Variants in COL19A1 observed in about 807,000 individuals in gnomAD.
The protein encoded by COL19A1 is collagen type XIX alpha 1 chain, also known as collagen alpha-1(XIX) chain.
In COL19A1, 159 loss-of-function variants were observed where a neutral mutation model predicts 190.2. The ratio of observed to expected loss-of-function variants is 0.84; its 90% CI spans 0.73 to 0.95. The LOEUF is 0.95. Ranked by LOEUF, COL19A1 falls within the 40% of genes least tolerant of loss-of-function variation. The pLI is 0.00. For missense variants in COL19A1, 1,418 were observed against 1,431.9 expected (o/e 0.99, Z 0.16); for synonymous variants, 509 against 458.9 (o/e 1.11, Z -1.39).
chr6:70,144,383 A>G, intron 24 of COL19A1, 120 bp downstream of exon 24: 1 of 806,684 alleles, frequency 1.2e-6, no homozygotes, highest in South Asian at 1.8e-5. Context: ...GTGCACATTA[A>G]CTACAATGTA....
At chr6:70,156,494 GGAGAGAGAGAGA>G in intron 33 of COL19A1, 125 bp downstream of exon 33, 1 of 657,794 alleles carries the variant, frequency 1.5e-6, no homozygotes, top group African/African-American at 2.0e-5. Flanking sequence ...GTATGTATAT[GGAGAGAGAGAGA>G]GAGAGAGAAA....
intron 11 of COL19A1, among the ~76,000 whole-genome samples, chr6:70,004,888 A>G (rs762811989): frequency 5.3e-5 from 8 of 149,988 alleles, no homozygotes; most frequent in Non-Finnish European, 1.2e-4. Flanking sequence ...GCTGGAGTGC[A>G]GTGGCTCGAT....
At chr6:69,939,844 C>T (rs1037911310) in intron 9 of COL19A1, among the ~76,000 whole-genome samples, 9 of 152,204 alleles carry the variant, frequency 5.9e-5, no homozygotes, top group South Asian at 4.1e-4. Flanking sequence ...TTATCTGCAA[C>T]GGAAGGTGTT....
intron 10 of COL19A1, among the ~76,000 whole-genome samples, 164 bp from the exon 11 acceptor site, chr6:69,962,662 T>A (rs1774872503): frequency 6.6e-6 from 1 of 152,180 alleles, no homozygotes; most frequent in African/African-American, 2.4e-5. Context: ...TATTTAGAAA[T>A]ATTTAAATCT....
intron 12 of COL19A1, among the ~76,000 whole-genome samples, chr6:70,031,160 G>C (rs189216747): frequency 6.6e-6 from 1 of 152,010 alleles, no homozygotes; most frequent in African/African-American, 2.4e-5. Flanking sequence ...GTGTGCTCAT[G>C]ACACTCCTTT....
At chr6:70,108,024 A>T (rs1784074062) in intron 16 of COL19A1, among the ~76,000 whole-genome samples, 1 of 152,172 alleles carries the variant, frequency 6.6e-6, no homozygotes, top group African/African-American at 2.4e-5. Flanking sequence ...AAGTCTCAAG[A>T]CTTGGAATGC....
intron 9 of COL19A1, among the ~76,000 whole-genome samples, chr6:69,952,217 A>T (rs1292962830): frequency 1.3e-5 from 2 of 151,912 alleles, no homozygotes; most frequent in Non-Finnish European, 2.9e-5. Context: ...TACCTTCCAA[A>T]ATAAGTATCA....
chr6:70,195,609 C>A (rs1027205434), intron 48 of COL19A1, among the ~76,000 whole-genome samples: 6 of 152,090 alleles, frequency 3.9e-5, no homozygotes, highest in African/African-American at 1.4e-4. Context: ...CAGTCTTTTG[C>A]TAGGGATGGG....
intron 2 of COL19A1, among the ~76,000 whole-genome samples, chr6:69,896,047 C>T (rs1288267655): frequency 6.6e-6 from 1 of 152,162 alleles, no homozygotes; most frequent in Non-Finnish European, 1.5e-5. Context: ...TACTGCCAAA[C>T]AGTTTTCTAA....
At chr6:69,921,511 T>TATATATTCATATATTC (rs1561998779) in intron 4 of COL19A1, among the ~76,000 whole-genome samples, 31 of 100,380 alleles carry the variant, frequency 3.1e-4, no homozygotes, top group African/African-American at 7.0e-4. Flanking sequence ...TATATATTCA[T>TATATATTCATATATTC]ATGTATATTC....
intron 14 of COL19A1, among the ~76,000 whole-genome samples, chr6:70,059,090 C>T (rs1396763446): frequency 1.3e-5 from 2 of 151,946 alleles, no homozygotes; most frequent in African/African-American, 2.4e-5. Context: ...CTATTTGAAA[C>T]ACAGAAAATC....
In COL19A1 at chr6:70,208,840, G is replaced by A. The variant is rs1296140024; in HGVS notation, c.*1566G>A. ...AGGAATGTGCCTAATTTAAGGCAGGGTTTGTTCCAATGCATCCGTGATTTG... is the reference window on the plus strand; with the variant it reads ...AGGAATGTGCCTAATTTAAGGCAGGATTTGTTCCAATGCATCCGTGATTTG... On this transcript the variant is annotated 3_prime_UTR_variant, in exon 51 of 51. Coordinates refer to ENST00000620364, the MANE Select transcript of COL19A1 (RefSeq NM_001858.6). 1 of 152,600 alleles carries A rather than the reference G, an allele frequency of 6.6e-6. No individual in the cohort carries two copies. Among genetic ancestry groups the A allele is most frequent in the Non-Finnish European group, 1.5e-5 (1 of 68,038 alleles). The allele number at this position is 152,600 out of a possible 1,614,324, so 9.5% of individuals were successfully genotyped here.
intron 11 of COL19A1, among the ~76,000 whole-genome samples, chr6:69,968,991 C>A (rs1775271390): frequency 6.6e-6 from 1 of 152,244 alleles, no homozygotes; most frequent in South Asian, 2.1e-4. Flanking sequence ...GTGTTCCAGT[C>A]CAGCTCTGTA....
intron 18 of COL19A1, 90 bp from the exon 19 acceptor site, chr6:70,137,595 C>A: frequency 1.7e-6 from 2 of 1,177,696 alleles, no homozygotes; most frequent in East Asian, 2.4e-5. Context: ...GTATAGTTAG[C>A]AGGAGAGCAA....
At chr6:70,060,125 G>T (rs903150817) in intron 14 of COL19A1, among the ~76,000 whole-genome samples, 1 of 152,096 alleles carries the variant, frequency 6.6e-6, no homozygotes, top group Non-Finnish European at 1.5e-5. Flanking sequence ...TTTTCTCATA[G>T]ACATCAGAGA....
intron 9 of COL19A1, among the ~76,000 whole-genome samples, chr6:69,950,087 G>C (rs1177248099): frequency 2.6e-5 from 4 of 151,758 alleles, no homozygotes; most frequent in Non-Finnish European, 5.9e-5. Context: ...TAAATTAAGT[G>C]ATTTGCATAT....
chr6:70,176,489 T>C, intron 41 of COL19A1, 31 bp from the exon 42 acceptor site: 1 of 1,607,408 alleles, frequency 6.2e-7, no homozygotes, highest in Non-Finnish European at 8.5e-7. Context: ...ATTGATGTCA[T>C]TAAAGTAGCA....
chr6:70,184,669 G>T, intron 44 of COL19A1, 34 bp from the exon 45 acceptor site: 1 of 1,521,978 alleles, frequency 6.6e-7, no homozygotes, highest in Non-Finnish European at 9.0e-7. Flanking sequence ...TGTTAATGCA[G>T]AGTTAGAAAT....
intron 14 of COL19A1, among the ~76,000 whole-genome samples, chr6:70,045,742 C>G (rs1051629888): frequency 6.6e-6 from 1 of 152,160 alleles, no homozygotes; most frequent in Non-Finnish European, 1.5e-5. Context: ...CAAACCAACC[C>G]CACTTTACTT....
Sources: gnomAD v4.1 joint callset for allele counts (sites outside exome capture counted in the v4.1 genomes callset) on GRCh38, gnomAD v4.1.1 for gene constraint, MANE v1.5 for transcripts, NCBI Gene and HGNC (gene_info 2026-07-23, HGNC 2026-07-21) for gene names.